CXCL13: variants seen among roughly 807,000 people sequenced by gnomAD.
CXCL13 encodes C-X-C motif chemokine ligand 13.
In CXCL13, 7 loss-of-function variants were observed where a neutral mutation model predicts 12.2. That is an observed-to-expected ratio of 0.57 (90% CI 0.33 to 1.07). The LOEUF is 1.07. Among genes scored for constraint, CXCL13 ranks in the 50% least tolerant of loss-of-function variants. The pLI is 0.04. For synonymous variants in CXCL13, 47 were observed against 42.4 expected (o/e 1.11, Z -0.42); for missense variants, 113 against 127.4 (o/e 0.89, Z 0.55).
chr4:77,551,259 A>G (rs1031723234), intron 1 of CXCL13, among the ~76,000 whole-genome samples: 1 of 152,172 alleles, frequency 6.6e-6, no homozygotes, highest in Admixed American at 6.5e-5. Flanking sequence ...AGCAGGTATC[A>G]TTATTTTGTT....
At chr4:77,532,539 T>C (rs1174173947) in intron 1 of CXCL13, among the ~76,000 whole-genome samples, 1 of 152,186 alleles carries the variant, frequency 6.6e-6, no homozygotes, top group Admixed American at 6.5e-5. Context: ...GTTGCTGTTC[T>C]CGAGGAGTAT....
intron 1 of CXCL13, among the ~76,000 whole-genome samples, chr4:77,540,074 C>A (rs1048898549): frequency 6.6e-6 from 1 of 152,018 alleles, no homozygotes; most frequent in Non-Finnish European, 1.5e-5. Context: ...GAAAAATAGA[C>A]ACGATATTTT....
At chr4:77,542,362 T>C (rs1210581419) in intron 1 of CXCL13, among the ~76,000 whole-genome samples, 1 of 152,180 alleles carries the variant, frequency 6.6e-6, no homozygotes, top group African/African-American at 2.4e-5. Flanking sequence ...AGATGACTCT[T>C]ATTATTTTGA....
chr4:77,551,729 C>A (rs1159997886), intron 1 of CXCL13, among the ~76,000 whole-genome samples: 1 of 152,154 alleles, frequency 6.6e-6, no homozygotes, highest in African/African-American at 2.4e-5. Flanking sequence ...GTCAATAATT[C>A]ATAAGCTTGG....
intron 2 of CXCL13, among the ~76,000 whole-genome samples, chr4:77,609,306 T>TTTTTG (rs1553918642): frequency 1.6e-4 from 24 of 151,056 alleles, no homozygotes; most frequent in African/African-American, 3.2e-4. Flanking sequence ...TTGGGTTTTT[T>TTTTTG]TTTTGTTTTG....
chr4:77,535,697 C>T (rs142791069), intron 1 of CXCL13, among the ~76,000 whole-genome samples: 218 of 152,248 alleles, frequency 1.4e-3, no homozygotes, highest in African/African-American at 5.0e-3. Flanking sequence ...GGTAAGGAGG[C>T]TACATGGAGA....
chr4:77,537,626 C>T (rs1725090914), intron 1 of CXCL13, among the ~76,000 whole-genome samples: 2 of 152,186 alleles, frequency 1.3e-5, no homozygotes, highest in Non-Finnish European at 2.9e-5. Flanking sequence ...AAAATGTTTT[C>T]TATTACAGAG....
At chr4:77,523,415 C>T (rs1724668219) in intron 1 of CXCL13, among the ~76,000 whole-genome samples, 1 of 152,126 alleles carries the variant, frequency 6.6e-6, no homozygotes, top group East Asian at 1.9e-4. Context: ...TTTCTTTTTA[C>T]TCTTTTTTTC....
chr4:77,530,777 A>G (rs997278796), intron 1 of CXCL13, among the ~76,000 whole-genome samples: 1 of 151,846 alleles, frequency 6.6e-6, no homozygotes, highest in African/African-American at 2.4e-5. Flanking sequence ...TATTTCCTTC[A>G]GTTCTGCTCT....
At chr4:77,601,083 G>T (rs1364170078), upstream of CXCL13, among the ~76,000 whole-genome samples, 2 of 152,062 alleles carry the variant, frequency 1.3e-5, no homozygotes, top group Non-Finnish European at 2.9e-5. Context: ...AGTCTCTTGG[G>T]GAATCACCAC....
chr4:77,523,554 G>C (rs906639637), intron 1 of CXCL13, among the ~76,000 whole-genome samples: 3 of 152,148 alleles, frequency 2.0e-5, no homozygotes, highest in Non-Finnish European at 4.4e-5. Flanking sequence ...ATGGTTTTCA[G>C]CTCCATCAGG....
chr4:77,584,310 A>C (rs1387486772), intron 1 of CXCL13, among the ~76,000 whole-genome samples: 1 of 152,066 alleles, frequency 6.6e-6, no homozygotes, highest in East Asian at 1.9e-4. Flanking sequence ...TGGTCTATTC[A>C]CCATTCCCCC....
chr4:77,571,038 G>A lies in CXCL13; in HGVS notation c.-42-34786G>A, dbSNP rs953456778. ...CAGTCCCATCGGCCACCCAAGGCCT[G>A]AGGAGTGTGAGCGCATGGCGCGGGA... On this transcript the variant is annotated intron_variant, in intron 1 of 4. Coordinates refer to the CXCL13 transcript ENST00000286758. Among the ~76,000 whole-genome samples, 13 of 152,132 alleles carry A rather than the reference G, an allele frequency of 8.5e-5. No homozygotes were observed. In the East Asian group the frequency reaches 1.7e-3, roughly 20 times the overall value.
intron 1 of CXCL13, among the ~76,000 whole-genome samples, chr4:77,515,023 A>C (rs1424400240): frequency 6.6e-6 from 1 of 152,050 alleles, no homozygotes; most frequent in Non-Finnish European, 1.5e-5. Flanking sequence ...CTTTCTACAT[A>C]TGGCTAGCCA....
intron 1 of CXCL13, among the ~76,000 whole-genome samples, chr4:77,523,578 T>C (rs938944479): frequency 2.6e-5 from 4 of 152,202 alleles, no homozygotes; most frequent in African/African-American, 7.2e-5. Flanking sequence ...TTTAATGTCT[T>C]CTCTACACTG....
chr4:77,604,874 C>G (rs1256988569), upstream of CXCL13, among the ~76,000 whole-genome samples: 1 of 152,180 alleles, frequency 6.6e-6, no homozygotes. Context: ...TGGTTTGATA[C>G]ATCATCCTTG....
At chr4:77,520,189 G>C (rs1724553597) in intron 1 of CXCL13, among the ~76,000 whole-genome samples, 2 of 152,136 alleles carry the variant, frequency 1.3e-5, no homozygotes. Flanking sequence ...GATTGTCTTG[G>C]CAATGCGGGC....
At chr4:77,568,623 C>T (rs1025402402) in intron 1 of CXCL13, among the ~76,000 whole-genome samples, 9 of 152,070 alleles carry the variant, frequency 5.9e-5, no homozygotes, top group Admixed American at 4.6e-4. Context: ...TGTTAGGTCT[C>T]GTGCCTCTGG....
At chr4:77,580,276 A>ATATATAT (rs1726287924) in intron 1 of CXCL13, among the ~76,000 whole-genome samples, 1 of 138,358 alleles carries the variant, frequency 7.2e-6, no homozygotes, top group Non-Finnish European at 1.6e-5. Flanking sequence ...AGAATATAGA[A>ATATATAT]TATATATTTT....
Sources: allele counts gnomAD v4.1 joint callset (sites outside exome capture counted in the v4.1 genomes callset), GRCh38; gene constraint gnomAD v4.1.1; transcripts MANE v1.5; gene names NCBI Gene and HGNC (gene_info 2026-07-23, HGNC 2026-07-21).